TNKS: variants seen among roughly 807,000 people sequenced by gnomAD.
The protein encoded by TNKS is poly [ADP-ribose] polymerase tankyrase-1.
A neutral mutation model predicts 135.8 loss-of-function variants in TNKS; 72 were observed. The observed-to-expected ratio is 0.53, with a 90% CI of 0.44 to 0.64. The LOEUF (loss-of-function observed/expected upper bound fraction) is 0.64, where lower values mean the gene tolerates loss of function less well. Ranked by LOEUF, TNKS falls within the 30% of genes least tolerant of loss-of-function variation. The probability of loss-of-function intolerance (pLI) is 0.00; values close to 1 mark genes in which losing one functional copy is unlikely to be tolerated. For synonymous variants in TNKS, 849 were observed against 649.3 expected, an observed-to-expected ratio of 1.31 and a Z score of -4.68; for missense variants, 1,769 against 1,674.0, an observed-to-expected ratio of 1.06 and a Z score of -0.99.
Position 9,645,208 on chromosome 8 carries a change from T to G in TNKS, c.994+29531T>G, listed in dbSNP as rs556066625. On this transcript the variant is annotated intron_variant, in intron 3 of 26. Coordinates refer to ENST00000310430, the MANE Select transcript of TNKS (RefSeq NM_003747.3). The stretch of plus-strand genomic sequence containing the variant: ...GGATCTGGTCTAAGGAGGACAAGGG[T>G]GGGGGATGGGTTGGGAGCAGGGTGG... Among the ~76,000 whole-genome samples the G allele has an allele frequency of 2.1e-5, 3 of 144,722 alleles. No individual in the cohort carries two copies. In the East Asian group the frequency reaches 6.5e-4, roughly 31 times the overall value. 94.9% of individuals were successfully genotyped at this position (144,722 alleles called of 152,430 possible). A position where few individuals can be genotyped will look rare whatever the true frequency, so the allele number is the denominator to read the frequency against.
At position 9,615,573 on chromosome 8, in the gene TNKS, C is replaced by T; in HGVS notation, c.899-9C>T. The T allele has an allele frequency of 6.2e-7, 1 of 1,610,684 alleles. No individual in the cohort carries two copies. The highest frequency in any genetic ancestry group is 1.1e-5 in the South Asian group (1 of 90,420). ...GAGGTAAGATACTGTTTCTGCTTTC[C>T]CTGCACAGTGCTGCTGCAGCACGGA... On this transcript the variant is annotated splice_polypyrimidine_tract_variant and intron_variant, in intron 2 of 26. Coordinates refer to ENST00000310430, the MANE Select transcript of TNKS (RefSeq NM_003747.3).
At chr8:9,677,366 A>C (rs1802587588) in intron 3 of TNKS, among the ~76,000 whole-genome samples, 1 of 152,172 alleles carries the variant, frequency 6.6e-6, no homozygotes, top group African/African-American at 2.4e-5. Flanking sequence ...CCTTTTGGTG[A>C]AAACATCAAT....
At chr8:9,745,807 G>A (rs1180398380) in intron 17 of TNKS, among the ~76,000 whole-genome samples, 4 of 151,878 alleles carry the variant, frequency 2.6e-5, no homozygotes, top group African/African-American at 9.7e-5. Flanking sequence ...TTAGATAAAT[G>A]TTCTTCACTT....
At chr8:9,590,658 C>G (rs541043322) in intron 2 of TNKS, among the ~76,000 whole-genome samples, 1 of 152,230 alleles carries the variant, frequency 6.6e-6, no homozygotes, top group East Asian at 1.9e-4. Flanking sequence ...TTGCATTTGC[C>G]TGATAAGTAA....
chr8:9,731,614 CGAT>C (rs1206481633), intron 14 of TNKS, among the ~76,000 whole-genome samples: 1 of 151,940 alleles, frequency 6.6e-6, no homozygotes, highest in Non-Finnish European at 1.5e-5. Context: ...TGTGCTGTGG[CGAT>C]GGTGGTGGTG....
intron 5 of TNKS, among the ~76,000 whole-genome samples, chr8:9,699,642 T>G (rs748344984): frequency 6.6e-6 from 1 of 152,166 alleles, no homozygotes; most frequent in Non-Finnish European, 1.5e-5. Context: ...TCACCCTTCT[T>G]GTGAATTCAC....
chr8:9,765,818 G>C (rs368048500), intron 24 of TNKS, 21 bp downstream of exon 24: 5 of 1,598,852 alleles, frequency 3.1e-6, no homozygotes, highest in Non-Finnish European at 4.3e-6. Flanking sequence ...TGGCAGGGAC[G>C]GTGGACGTCT....
intron 20 of TNKS, 42 bp from the exon 21 acceptor site, chr8:9,761,474 A>T: frequency 6.2e-7 from 1 of 1,604,692 alleles, no homozygotes; most frequent in Non-Finnish European, 8.5e-7. Context: ...TCCTCTTAAG[A>T]ACTGTTAAAG....
At chr8:9,762,717 A>G (rs1196247883) in intron 21 of TNKS, among the ~76,000 whole-genome samples, 4 of 152,086 alleles carry the variant, frequency 2.6e-5, no homozygotes, top group African/African-American at 7.2e-5. Flanking sequence ...CCTGGCTAAC[A>G]TGATGAAACC....
chr8:9,561,929 G>C (rs1412135340), intron 1 of TNKS, among the ~76,000 whole-genome samples: 1 of 152,136 alleles, frequency 6.6e-6, no homozygotes, highest in East Asian at 1.9e-4. Flanking sequence ...CGATTCTCCT[G>C]CCTCAGCCTC....
intron 5 of TNKS, among the ~76,000 whole-genome samples, chr8:9,698,096 T>C (rs1454054003): frequency 6.6e-6 from 1 of 152,156 alleles, no homozygotes; most frequent in Non-Finnish European, 1.5e-5. Context: ...TCATGCCCTT[T>C]GCAGCAATAT....
chr8:9,610,482 A>G (rs945451985), intron 2 of TNKS, among the ~76,000 whole-genome samples: 4 of 152,068 alleles, frequency 2.6e-5, no homozygotes, highest in Non-Finnish European at 4.4e-5. Flanking sequence ...TTCAGTTTAT[A>G]AAAATAGTTT....
At chr8:9,721,682 C>A (rs1488660077) in intron 12 of TNKS, among the ~76,000 whole-genome samples, 1 of 152,028 alleles carries the variant, frequency 6.6e-6, no homozygotes, top group African/African-American at 2.4e-5. Flanking sequence ...TATGACATAT[C>A]CTTATGACAT....
In TNKS at chr8:9,779,162, A is replaced by G. The variant is rs1415215363; in HGVS notation, c.*2426A>G. On this transcript the variant is annotated 3_prime_UTR_variant, in exon 27 of 27. Transcript: ENST00000310430. ...TGCTTAAGAGAGTGGGTTAATGGAT[A>G]TATCAGAGGAGCCAAATACATTTTT... 6.6e-6 allele frequency: 1 copy of G among 152,626 alleles called. No homozygotes were observed. Among genetic ancestry groups the G allele is most frequent in the Non-Finnish European group, 1.5e-5 (1 of 68,038 alleles). The allele number at this position is 152,626 out of a possible 1,614,324, so 9.5% of individuals were successfully genotyped here.
At chr8:9,708,702 G>A (rs1239409907) in intron 9 of TNKS, among the ~76,000 whole-genome samples, 3 of 151,904 alleles carry the variant, frequency 2.0e-5, no homozygotes, top group Non-Finnish European at 4.4e-5. Context: ...ACCTCAATTT[G>A]GAAATTATTT....
At position 9,567,707 on chromosome 8, in the gene TNKS, G is replaced by A. The variant is rs554932086; in HGVS notation, c.673+11095G>A. On this transcript the variant is annotated intron_variant, in intron 1 of 26. Transcript: ENST00000310430. ...GGTGGGATTACAGGCCTGAGCCACC[G>A]CACCCTTCCAGCAACGACTTTCTTT... Among the ~76,000 whole-genome samples, 73 of 152,242 alleles carry A rather than the reference G, an allele frequency of 4.8e-4. 1 individual carries two copies. The highest frequency in any genetic ancestry group is 6.5e-4 in the Admixed American group (10 of 15,296).
chr8:9,769,612 CTTTTTTTTTTTTTT>C (rs1163803220), intron 25 of TNKS, among the ~76,000 whole-genome samples: 1 of 73,462 alleles, frequency 1.4e-5, no homozygotes, highest in Non-Finnish European at 2.4e-5. Flanking sequence ...CAGGCATTTT[CTTTTTTTTTTTTTT>C]TTTTTTTTTT....
chr8:9,632,420 C>G (rs1800326277), intron 3 of TNKS, among the ~76,000 whole-genome samples: 2 of 152,030 alleles, frequency 1.3e-5, no homozygotes, highest in African/African-American at 4.8e-5. Flanking sequence ...ATTCTTTTCC[C>G]TCTATATATT....
chr8:9,568,497 AATATT>A (rs1439785662), intron 1 of TNKS, among the ~76,000 whole-genome samples: 1 of 152,180 alleles, frequency 6.6e-6, no homozygotes, highest in African/African-American at 2.4e-5. Flanking sequence ...AAATGAATAT[AATATT>A]AGAAATTTTA....
Sources: gnomAD v4.1 joint callset for allele counts (sites outside exome capture counted in the v4.1 genomes callset) on GRCh38, gnomAD v4.1.1 for gene constraint, MANE v1.5 for transcripts, NCBI Gene and HGNC (gene_info 2026-07-23, HGNC 2026-07-21) for gene names.